The following ITGA11 variants were observed in gnomAD, a reference collection of about 807,000 sequenced individuals.
ITGA11 encodes integrin subunit alpha 11, also known as integrin alpha-11.
Under a neutral mutation model 141.9 loss-of-function variants are expected in ITGA11, and 97 were observed. The ratio of observed to expected loss-of-function variants is 0.68; its 90% CI spans 0.58 to 0.81. The LOEUF is 0.81. Ranked by LOEUF, ITGA11 falls within the 30% of genes least tolerant of loss-of-function variation. The probability of loss-of-function intolerance (pLI) is 0.00; values close to 1 mark genes in which losing one functional copy is unlikely to be tolerated. For synonymous variants in ITGA11, 658 were observed against 624.6 expected, an observed-to-expected ratio of 1.05 and a Z score of -0.80; for missense variants, 1,387 against 1,559.2, an observed-to-expected ratio of 0.89 and a Z score of 1.86.
At chr15:68,424,892 T>C (rs1216763140) in intron 1 of ITGA11, among the ~76,000 whole-genome samples, 1 of 152,242 alleles carries the variant, frequency 6.6e-6, no homozygotes, top group Non-Finnish European at 1.5e-5. Context: ...CTTAATTCCA[T>C]GGCTTAAAAA....
chr15:68,364,154 CAG>C (rs1049125563), intron 4 of ITGA11, among the ~76,000 whole-genome samples: 3 of 152,202 alleles, frequency 2.0e-5, no homozygotes, highest in African/African-American at 7.2e-5. Flanking sequence ...AAAAACAAAA[CAG>C]AAACCTCCTC....
At chr15:68,359,800 C>T (rs2140345783) in intron 5 of ITGA11, among the ~76,000 whole-genome samples, 1 of 152,252 alleles carries the variant, frequency 6.6e-6, no homozygotes, top group South Asian at 2.1e-4. Context: ...TGTTTGTCAA[C>T]AGTTGGAGTT....
At chr15:68,357,366 G>A (rs1384127533) in intron 6 of ITGA11, 67 bp from the exon 7 acceptor site, 3 of 1,547,152 alleles carry the variant, frequency 1.9e-6, no homozygotes, top group African/African-American at 1.4e-5. Context: ...TAGAATTTGA[G>A]AGTGAGGATC....
intron 1 of ITGA11, among the ~76,000 whole-genome samples, chr15:68,412,494 G>A (rs977003717): frequency 1.3e-4 from 20 of 151,976 alleles, no homozygotes; most frequent in African/African-American, 4.1e-4. Flanking sequence ...TGGATTCTGG[G>A]CTCTGGAGCA....
At chr15:68,376,639 C>T (rs1039239175) in intron 2 of ITGA11, among the ~76,000 whole-genome samples, 7 of 152,266 alleles carry the variant, frequency 4.6e-5, no homozygotes, top group Non-Finnish European at 8.8e-5. Flanking sequence ...CAGCTGCTTG[C>T]TTTTGTCTTC....
rs745968066 is a variant in ITGA11 at position 68,339,569 on chromosome 15, C to T, written c.1207G>A (p.Val403Ile). 1 of 1,614,022 alleles carries T rather than the reference C, an allele frequency of 6.2e-7. No homozygotes were observed. Residue 403 changes from valine (V) to isoleucine (I), a missense_variant, in exon 11 of 30, where the codon GTC becomes ATC. Transcript: ENST00000315757. ...AGGTAGGACTCGCGGAGAGGAATGA[C>T]CTTCCCGGCACTCGTCTCCTTTAGC... ...AVLKETSAGK[V>I]IPLRESYLKE...
At position 68,355,371 on chromosome 15, in the gene ITGA11, A is replaced by G. The variant is rs527710800; in HGVS notation, c.749+1780T>C. ...GCTAGTTGAGCAATGACTTAATTAT[A>G]AAGAGTTATGAGGTTGGAAAAGTCT... On this transcript the variant is annotated intron_variant, in intron 7 of 29. Coordinates refer to ENST00000315757, the MANE Select transcript of ITGA11 (RefSeq NM_001004439.2). Among the ~76,000 whole-genome samples, 15 of 152,358 alleles carry G rather than the reference A, an allele frequency of 9.8e-5. No homozygotes were observed. The South Asian group carries it at 3.1e-3, about 32-fold the overall frequency.
In ITGA11 at chr15:68,309,585, C is replaced by G. The variant is rs181295791; in HGVS notation, c.3174+1409G>C. The stretch of plus-strand genomic sequence containing the variant: ...TCCTGGGAATGTAACCATGTCAATA[C>G]AGTCCTTTTTTTTTTTTTTTTTTTT... On this transcript the variant is annotated intron_variant, in intron 26 of 29. Coordinates refer to ENST00000315757, the MANE Select transcript of ITGA11 (RefSeq NM_001004439.2). Among the ~76,000 whole-genome samples the G allele has an allele frequency of 1.3e-3, 193 of 146,786 alleles. 1 individual carries two copies. The highest frequency in any genetic ancestry group is 0.012 in the East Asian group (62 of 5,088).
chr15:68,427,888 T>C (rs971720036), intron 1 of ITGA11, among the ~76,000 whole-genome samples: 6 of 152,136 alleles, frequency 3.9e-5, no homozygotes, highest in African/African-American at 1.4e-4. Context: ...GAATCCTTGG[T>C]GGTAGCCTAC....
chr15:68,319,867 C>A (rs1415704311), intron 20 of ITGA11, among the ~76,000 whole-genome samples: 1 of 152,166 alleles, frequency 6.6e-6, no homozygotes, highest in East Asian at 1.9e-4. Flanking sequence ...CCAGGCCCAA[C>A]CCCAGAGCAA....
At chr15:68,319,681 G>A (rs528937712) in intron 20 of ITGA11, among the ~76,000 whole-genome samples, 4 of 152,240 alleles carry the variant, frequency 2.6e-5, no homozygotes, top group South Asian at 2.1e-4. Flanking sequence ...TTGGTAGAAC[G>A]TGTGGATGGC....
chr15:68,312,171 C>T lies in ITGA11; in HGVS notation c.2973+602G>A, dbSNP rs558162354. Reference sequence around the variant, plus strand: ...TCCTAACTCTCATTCTCCCACTTTCCTTAGTGGCAGAACCGAGACAAAAGG... The same window carrying T: ...TCCTAACTCTCATTCTCCCACTTTCTTTAGTGGCAGAACCGAGACAAAAGG... On this transcript the variant is annotated intron_variant, in intron 24 of 29. Transcript: ENST00000315757. Among the ~76,000 whole-genome samples, 39 of 152,368 alleles carry T rather than the reference C, an allele frequency of 2.6e-4. No individual in the cohort carries two copies. The South Asian group carries it at 8.1e-3, about 32-fold the overall frequency.
chr15:68,350,240 A>G (rs1332942648), intron 9 of ITGA11, among the ~76,000 whole-genome samples: 1 of 152,160 alleles, frequency 6.6e-6, no homozygotes, highest in Non-Finnish European at 1.5e-5. Flanking sequence ...GCTGGAGTGC[A>G]GTGGCATGAT....
At chr15:68,361,461 G>A (rs777361883) in intron 5 of ITGA11, 129 bp downstream of exon 5, 40 of 637,350 alleles carry the variant, frequency 6.3e-5, no homozygotes, top group East Asian at 8.6e-5. Context: ...CAGGTCATCC[G>A]GAGAGCTGGG....
chr15:68,384,708 C>T (rs571921562), intron 2 of ITGA11, among the ~76,000 whole-genome samples: 34 of 152,334 alleles, frequency 2.2e-4, no homozygotes, highest in Admixed American at 1.4e-3. Context: ...AGTGACTTAT[C>T]CTTTAACCAG....
chr15:68,412,494 G>T (rs977003717), intron 1 of ITGA11, among the ~76,000 whole-genome samples: 1 of 151,980 alleles, frequency 6.6e-6, no homozygotes, highest in Admixed American at 6.6e-5. Context: ...TGGATTCTGG[G>T]CTCTGGAGCA....
chr15:68,355,737 G>A (rs1483319144), intron 7 of ITGA11, among the ~76,000 whole-genome samples: 2 of 150,950 alleles, frequency 1.3e-5, no homozygotes, highest in South Asian at 2.1e-4. Context: ...CTGAGCCACC[G>A]CACCTGGCCT....
chr15:68,332,523 C>T lies in ITGA11; in HGVS notation c.1426-45G>A, dbSNP rs140496875. The stretch of plus-strand genomic sequence containing the variant: ...AGAGGAGTGGGCTGGCTGCCCAGCT[C>T]GCACAACCCAGAGCCCTCGCCTCGC... On this transcript the variant is annotated intron_variant, in intron 12 of 29. Transcript: ENST00000315757. The T allele has an allele frequency of 4.3e-5, 69 of 1,599,042 alleles. 3 individuals carry two copies. The South Asian group carries it at 5.4e-4, about 13-fold the overall frequency.
chr15:68,418,258 A>G (rs997279065), intron 1 of ITGA11, among the ~76,000 whole-genome samples: 16 of 152,256 alleles, frequency 1.1e-4, no homozygotes, highest in African/African-American at 3.9e-4. Context: ...CATTTGTTAA[A>G]TGAGACGGAA....
Sources: allele counts gnomAD v4.1 joint callset (sites outside exome capture counted in the v4.1 genomes callset), GRCh38; gene constraint gnomAD v4.1.1; transcripts MANE v1.5; gene names NCBI Gene and HGNC (gene_info 2026-07-23, HGNC 2026-07-21).